GABRB1: variants seen among roughly 807,000 people sequenced by gnomAD.
GABRB1 encodes gamma-aminobutyric acid type A receptor subunit beta1, also known as gamma-aminobutyric acid receptor subunit beta-1.
Under a neutral mutation model 51.6 loss-of-function variants are expected in GABRB1, and 17 were observed. The observed-to-expected ratio is 0.33, with a 90% confidence interval of 0.23 to 0.49. The LOEUF is 0.49. Among genes scored for constraint, GABRB1 ranks in the 20% least tolerant of loss-of-function variants. The probability of loss-of-function intolerance (pLI) is 0.99; values close to 1 mark genes in which losing one functional copy is unlikely to be tolerated. For missense variants in GABRB1, 410 were observed against 600.6 expected (o/e 0.68, Z 3.32); for synonymous variants, 247 against 218.9 (o/e 1.13, Z -1.14).
intron 3 of GABRB1, among the ~76,000 whole-genome samples, chr4:47,084,087 T>G (rs1727964872): frequency 6.6e-6 from 1 of 152,132 alleles, no homozygotes; most frequent in Admixed American, 6.5e-5. Context: ...GTTATTAGAG[T>G]AAGTCATCAA....
chr4:47,045,807 T>C (rs1726058467), intron 3 of GABRB1, among the ~76,000 whole-genome samples: 1 of 152,070 alleles, frequency 6.6e-6, no homozygotes, highest in Admixed American at 6.6e-5. Context: ...ATGTGACTTT[T>C]GTGGGGAACA....
chr4:47,281,781 AAC>A (rs1723302515), intron 4 of GABRB1, among the ~76,000 whole-genome samples: 1 of 152,206 alleles, frequency 6.6e-6, no homozygotes, highest in African/African-American at 2.4e-5. Flanking sequence ...AAATAATCCA[AAC>A]ACAGAAAGAC....
intron 4 of GABRB1, among the ~76,000 whole-genome samples, chr4:47,257,369 C>T (rs146409870): frequency 3.3e-5 from 5 of 152,254 alleles, no homozygotes; most frequent in Admixed American, 1.3e-4. Context: ...AAATTAGTTG[C>T]TTTGTGAAAC....
chr4:47,247,000 T>C (rs781107292), intron 4 of GABRB1, among the ~76,000 whole-genome samples: 9 of 152,162 alleles, frequency 5.9e-5, no homozygotes, highest in Admixed American at 2.0e-4. Context: ...GACTATTCTA[T>C]TTGCTGAGCA....
chr4:47,368,209 G>A lies in GABRB1; in HGVS notation c.545-35109G>A, dbSNP rs552721008. Among the ~76,000 whole-genome samples, 4 of 152,272 alleles carry A rather than the reference G, an allele frequency of 2.6e-5. No homozygotes were observed. The South Asian group carries it at 8.3e-4, about 32-fold the overall frequency. ...ATGTGTATATGCAGCCTAACTAGGAGTCAACATATAAATATCCTCAAATTG... is the reference window on the plus strand; with the variant it reads ...ATGTGTATATGCAGCCTAACTAGGAATCAACATATAAATATCCTCAAATTG... On this transcript the variant is annotated intron_variant, in intron 5 of 8. Transcript: ENST00000295454.
chr4:47,398,877 G>A (rs1452077139), intron 5 of GABRB1, among the ~76,000 whole-genome samples: 4 of 152,192 alleles, frequency 2.6e-5, no homozygotes, highest in Non-Finnish European at 4.4e-5. Context: ...TGCAAGCTCC[G>A]CCTCCCGGGT....
intron 3 of GABRB1, among the ~76,000 whole-genome samples, chr4:47,149,499 T>C (rs896824330): frequency 2.0e-5 from 3 of 152,034 alleles, no homozygotes; most frequent in African/African-American, 4.8e-5. Flanking sequence ...TAATAAGCAA[T>C]GAGTCTTTAA....
At chr4:47,121,365 C>CT (rs780109474) in intron 3 of GABRB1, among the ~76,000 whole-genome samples, 20 of 152,146 alleles carry the variant, frequency 1.3e-4, no homozygotes, top group Non-Finnish European at 2.4e-4. Context: ...ATCGGAAAAT[C>CT]AAGACTGTCT....
chr4:47,413,967 C>A (rs772386377), intron 8 of GABRB1, among the ~76,000 whole-genome samples: 7 of 152,130 alleles, frequency 4.6e-5, no homozygotes, highest in African/African-American at 1.7e-4. Context: ...CACAGTACAA[C>A]GAGGCTTTAA....
intron 4 of GABRB1, among the ~76,000 whole-genome samples, chr4:47,165,524 C>T (rs747377769): frequency 6.6e-6 from 1 of 152,080 alleles, no homozygotes; most frequent in Non-Finnish European, 1.5e-5. Context: ...TTGACTTCTC[C>T]GAATGCTTTA....
intron 3 of GABRB1, among the ~76,000 whole-genome samples, chr4:47,153,499 A>G (rs1051869775): frequency 6.6e-6 from 1 of 152,066 alleles, no homozygotes; most frequent in Non-Finnish European, 1.5e-5. Flanking sequence ...TTTTTAAAAA[A>G]TGGATCTTTA....
At chr4:47,072,009 G>C (rs926480943) in intron 3 of GABRB1, among the ~76,000 whole-genome samples, 2 of 147,818 alleles carry the variant, frequency 1.4e-5, no homozygotes, top group African/African-American at 5.0e-5. Flanking sequence ...CAGAGGAAAT[G>C]AAGTCATTGT....
intron 4 of GABRB1, among the ~76,000 whole-genome samples, chr4:47,311,541 C>T (rs1346424508): frequency 6.6e-6 from 1 of 151,854 alleles, no homozygotes; most frequent in Admixed American, 6.6e-5. Context: ...AGGAAGGGTC[C>T]ATAAGCCAAG....
At chr4:47,000,600 A>G (rs1045046661) in intron 1 of GABRB1, among the ~76,000 whole-genome samples, 8 of 152,192 alleles carry the variant, frequency 5.3e-5, no homozygotes, top group East Asian at 1.9e-4. Context: ...TGGGGCTGGC[A>G]TAATTTGAAG....
intron 4 of GABRB1, among the ~76,000 whole-genome samples, chr4:47,274,557 G>A (rs185708798): frequency 1.3e-3 from 191 of 151,802 alleles, no homozygotes; most frequent in Non-Finnish European, 2.3e-3. Flanking sequence ...CTAGATAGGG[G>A]TCTCTTCTCT....
intron 4 of GABRB1, among the ~76,000 whole-genome samples, chr4:47,288,725 T>A (rs1560315713): frequency 6.6e-6 from 1 of 152,200 alleles, no homozygotes; most frequent in Non-Finnish European, 1.5e-5. Context: ...TTCAAGGCAA[T>A]TTTCAAATGC....
chr4:47,057,409 A>C (rs1726660835), intron 3 of GABRB1, among the ~76,000 whole-genome samples: 2 of 152,260 alleles, frequency 1.3e-5, no homozygotes, highest in Admixed American at 1.3e-4. Context: ...TTGAAGTTAG[A>C]TGCAAAACAA....
chr4:47,049,171 C>T (rs573400673), intron 3 of GABRB1, among the ~76,000 whole-genome samples: 1 of 152,040 alleles, frequency 6.6e-6, no homozygotes, highest in East Asian at 1.9e-4. Context: ...AAGGAGGAAA[C>T]ACAATAGTTT....
At position 47,182,706 on chromosome 4, in the gene GABRB1, G is replaced by A. The variant is rs542664205; in HGVS notation, c.461+21237G>A. ...CAAAGTTCAAATCAGACAAAAAAAG[G>A]GTGACTAAATAATGGCAATTAAAGC... On this transcript the variant is annotated intron_variant, in intron 4 of 8. Coordinates refer to ENST00000295454, the MANE Select transcript of GABRB1 (RefSeq NM_000812.4). Among the ~76,000 whole-genome samples, 25 of 151,928 alleles carry A rather than the reference G, an allele frequency of 1.6e-4. No homozygotes were observed. In the South Asian group the frequency reaches 5.0e-3, roughly 30 times the overall value.
Sources: allele counts gnomAD v4.1 joint callset (sites outside exome capture counted in the v4.1 genomes callset), GRCh38; gene constraint gnomAD v4.1.1; transcripts MANE v1.5; gene names NCBI Gene and HGNC (gene_info 2026-07-23, HGNC 2026-07-21).